The following ZNF827 variants were observed in gnomAD, a reference collection of about 807,000 sequenced individuals.
ZNF827 encodes the protein zinc finger protein 827.
Under a neutral mutation model 102.4 loss-of-function variants are expected in ZNF827, and 13 were observed. The ratio of observed to expected loss-of-function variants is 0.13; its 90% CI spans 0.08 to 0.20. The LOEUF (loss-of-function observed/expected upper bound fraction) is 0.20. Among genes scored for constraint, ZNF827 ranks in the 10% least tolerant of loss-of-function variants. ZNF827 has a pLI of 1.00. For missense variants in ZNF827, 1,103 were observed against 1,344.4 expected, an observed-to-expected ratio of 0.82 and a Z score of 2.81; for synonymous variants, 523 against 536.2, an observed-to-expected ratio of 0.98 and a Z score of 0.34.
At chr4:145,936,314 C>T (rs977568969) in intron 1 of ZNF827, among the ~76,000 whole-genome samples, 2 of 151,964 alleles carry the variant, frequency 1.3e-5, no homozygotes, top group African/African-American at 4.8e-5. Flanking sequence ...CCACCGCCTT[C>T]TCCTTCCTCG....
At chr4:145,870,876 A>G (rs1314940018) in intron 4 of ZNF827, 4 of 171,034 alleles carry the variant, frequency 2.3e-5, no homozygotes, top group African/African-American at 9.5e-5. Flanking sequence ...ATTGAATACA[A>G]ACATGAGTCA....
At chr4:145,805,829 C>A (rs1199070165) in intron 8 of ZNF827, among the ~76,000 whole-genome samples, 1 of 152,102 alleles carries the variant, frequency 6.6e-6, no homozygotes, top group African/African-American at 2.4e-5. Flanking sequence ...TTGTTGCTCC[C>A]TTTACATGAA....
rs190689656 is a variant in ZNF827 at position 145,809,219 on chromosome 4, T to A, written c.2383+14203A>T. Among the ~76,000 whole-genome samples the A allele has an allele frequency of 2.8e-4, 42 of 152,224 alleles. 1 individual carries two copies. The highest frequency in any genetic ancestry group is 9.6e-4 in the African/African-American group (40 of 41,454). ...TCAAGCATTCAGTATGAGAATAGTA[T>A]GAAAAGATATTTTCTCCTTTGTTCA... On this transcript the variant is annotated intron_variant, in intron 8 of 14. Coordinates refer to ENST00000508784, the MANE Select transcript of ZNF827 (RefSeq NM_001306215.2).
chr4:145,923,857 C>A (rs1453964832), intron 1 of ZNF827, among the ~76,000 whole-genome samples: 2 of 152,158 alleles, frequency 1.3e-5, no homozygotes, highest in Non-Finnish European at 2.9e-5. Context: ...TGCATACGCA[C>A]AAAAGGTTTT....
intron 9 of ZNF827, among the ~76,000 whole-genome samples, chr4:145,778,164 G>A (rs773839067): frequency 1.4e-4 from 21 of 151,916 alleles, no homozygotes; most frequent in Middle Eastern, 3.4e-3. Flanking sequence ...ACTGAGTTTC[G>A]CTCTTGTCAC....
At chr4:145,855,471 A>G (rs1210644099) in intron 5 of ZNF827, among the ~76,000 whole-genome samples, 1 of 152,230 alleles carries the variant, frequency 6.6e-6, no homozygotes, top group Non-Finnish European at 1.5e-5. Flanking sequence ...GACCAAAAGG[A>G]CCAATGAAGT....
At chr4:145,892,475 C>A in intron 2 of ZNF827, 60 bp from the exon 3 acceptor site, 2 of 1,478,886 alleles carry the variant, frequency 1.4e-6, no homozygotes, top group Non-Finnish European at 1.8e-6. Context: ...CTGCATCTGG[C>A]ATTAATTCAC....
rs138651391 is a variant in ZNF827, at chr4:145,824,336, C to T, written c.2280-811G>A. On this transcript the variant is annotated intron_variant, in intron 7 of 14. Coordinates refer to ENST00000508784, the MANE Select transcript of ZNF827 (RefSeq NM_001306215.2). ...TAAAATAAAATGTGAATAAGTACTG[C>T]GATCACATATAAGAATACTGGAGTA... Among the ~76,000 whole-genome samples, 783 of 152,228 alleles carry T rather than the reference C, an allele frequency of 5.1e-3. 3 individuals are homozygous for T. The highest frequency in any genetic ancestry group is 0.018 in the African/African-American group (729 of 41,530).
At chr4:145,848,858 GC>G (rs1373221258) in intron 6 of ZNF827, among the ~76,000 whole-genome samples, 4 of 152,228 alleles carry the variant, frequency 2.6e-5, no homozygotes, top group African/African-American at 7.2e-5. Flanking sequence ...TTCATCTTTT[GC>G]TTTTCCCTTC....
chr4:145,844,148 T>G (rs1179343328), intron 7 of ZNF827, among the ~76,000 whole-genome samples: 1 of 152,128 alleles, frequency 6.6e-6, no homozygotes, highest in Non-Finnish European at 1.5e-5. Context: ...CTAAATAGCT[T>G]AAAGGTTAGA....
At position 145,762,950 on chromosome 4, in the gene ZNF827, G is replaced by A. The variant is rs1734759853; in HGVS notation, c.*17+140C>T. The stretch of plus-strand genomic sequence containing the variant: ...TCAGCAGAGCCCAACACAACCAAGT[G>A]CACCGTGCACGGCCTCCTCAGCGCC... On this transcript the variant is annotated intron_variant, in intron 14 of 14. Transcript: ENST00000508784. The surrounding 1 kb of genome is among the most constrained non-coding windows in gnomAD (Gnocchi z 4.9). The A allele has an allele frequency of 6.7e-6, 5 of 749,026 alleles. No individual in the cohort carries two copies. The East Asian group carries it at 1.3e-4, about 20-fold the overall frequency. The allele number at this position is 749,026 out of a possible 1,614,324, so 46.4% of individuals were successfully genotyped here.
chr4:145,932,237 G>A (rs368471561), intron 1 of ZNF827, among the ~76,000 whole-genome samples: 1 of 152,124 alleles, frequency 6.6e-6, no homozygotes, highest in Admixed American at 6.5e-5. Flanking sequence ...AGCAGCCAAC[G>A]GTCTGAGACA....
intron 2 of ZNF827, among the ~76,000 whole-genome samples, chr4:145,894,699 G>A (rs1256053310): frequency 6.6e-6 from 1 of 152,196 alleles, no homozygotes; most frequent in Non-Finnish European, 1.5e-5. Context: ...AATTGGGGGA[G>A]TAACAGGAAA....
intron 6 of ZNF827, among the ~76,000 whole-genome samples, chr4:145,848,158 T>C (rs2126649021): frequency 6.6e-6 from 1 of 152,366 alleles, no homozygotes; most frequent in Middle Eastern, 3.4e-3. Context: ...ATATTGTTTT[T>C]AGATAAGCTT....
intron 1 of ZNF827, among the ~76,000 whole-genome samples, chr4:145,928,614 A>G (rs1753595156): frequency 6.6e-6 from 1 of 152,206 alleles, no homozygotes; most frequent in Non-Finnish European, 1.5e-5. Context: ...CCCACTTCAC[A>G]AATGAGAAAA....
chr4:145,832,995 C>T, intron 7 of ZNF827: 2 of 164,110 alleles, frequency 1.2e-5, no homozygotes, highest in Non-Finnish European at 2.6e-5. Context: ...GGTCTCTTCA[C>T]ACGGACGTGC....
At chr4:145,894,010 AT>A (rs1579499505) in intron 2 of ZNF827, among the ~76,000 whole-genome samples, 1 of 152,166 alleles carries the variant, frequency 6.6e-6, no homozygotes, top group East Asian at 1.9e-4. Flanking sequence ...GTAAAAGGAC[AT>A]TTCTCAGATA....
chr4:145,921,633 A>G (rs1753074095), intron 1 of ZNF827, among the ~76,000 whole-genome samples: 2 of 152,056 alleles, frequency 1.3e-5, no homozygotes, highest in South Asian at 2.1e-4. Flanking sequence ...AAGAAATTCA[A>G]TGAGGGGAGG....
At chr4:145,867,519 A>G (rs1426003365) in intron 5 of ZNF827, among the ~76,000 whole-genome samples, 2 of 152,248 alleles carry the variant, frequency 1.3e-5, no homozygotes, top group African/African-American at 2.4e-5. Flanking sequence ...TATTCATTCA[A>G]TGAGAAGACT....
Sources: gnomAD v4.1 joint callset for allele counts (sites outside exome capture counted in the v4.1 genomes callset) on GRCh38, gnomAD v4.1.1 for gene constraint, Gnocchi (gnomAD v3.1) non-coding constraint, MANE v1.5 for transcripts, NCBI Gene and HGNC (gene_info 2026-07-23, HGNC 2026-07-21) for gene names.